GRM5: variants seen among roughly 807,000 people sequenced by gnomAD.
GRM5 encodes the protein glutamate metabotropic receptor 5, also known as metabotropic glutamate receptor 5.
A neutral mutation model predicts 83.1 loss-of-function variants in GRM5; 19 were observed. The observed-to-expected ratio is 0.23, with a 90% CI of 0.16 to 0.34. The LOEUF is 0.34. GRM5 is among the 10% of genes least tolerant of loss of function. GRM5 has a pLI of 1.00. For synonymous variants in GRM5, 675 were observed against 633.6 expected, an observed-to-expected ratio of 1.07 and a Z score of -0.98; for missense variants, 1,160 against 1,588.3, an observed-to-expected ratio of 0.73 and a Z score of 4.58.
chr11:88,734,195 T>C (rs1941862902), intron 3 of GRM5, among the ~76,000 whole-genome samples: 1 of 151,968 alleles, frequency 6.6e-6, no homozygotes, highest in Non-Finnish European at 1.5e-5. Context: ...CAAATAAACA[T>C]TTCTCCAAAG....
intron 2 of GRM5, among the ~76,000 whole-genome samples, chr11:88,965,991 C>A (rs1332010818): frequency 6.6e-6 from 1 of 152,016 alleles, no homozygotes; most frequent in Non-Finnish European, 1.5e-5. Context: ...CATGACAGAA[C>A]ACAGAATAGG....
In GRM5 at chr11:88,888,264, C is replaced by T. The variant is rs148362423; in HGVS notation, c.662-38109G>A. The stretch of plus-strand genomic sequence containing the variant: ...CCTCTCATGGAGGGATGTTATGTTG[C>T]TCCTAAGCCAAACCCTAACTGCAGC... On this transcript the variant is annotated intron_variant, in intron 2 of 9. Transcript: ENST00000305447. Among the ~76,000 whole-genome samples the T allele has an allele frequency of 6.6e-5, 10 of 152,274 alleles. No homozygotes were observed. In the East Asian group the frequency reaches 1.7e-3, roughly 27 times the overall value.
At chr11:88,796,920 G>A (rs201471129) in intron 3 of GRM5, among the ~76,000 whole-genome samples, 7,502 of 146,348 alleles carry the variant, frequency 0.051, 369 homozygotes, top group Admixed American at 0.16. Context: ...GTGTGTGTGT[G>A]TGTGTGTGTG....
At chr11:88,513,212 C>G (rs1383380362) in intron 9 of GRM5, among the ~76,000 whole-genome samples, 2 of 152,132 alleles carry the variant, frequency 1.3e-5, no homozygotes, top group Non-Finnish European at 2.9e-5. Context: ...TGCTATATGT[C>G]TATCTCACCT....
At chr11:88,714,973 T>G (rs1189666611) in intron 3 of GRM5, among the ~76,000 whole-genome samples, 1 of 152,046 alleles carries the variant, frequency 6.6e-6, no homozygotes, top group Non-Finnish European at 1.5e-5. Flanking sequence ...TAGAATTATT[T>G]TCACAAAGAT....
chr11:88,529,083 G>A (rs1289603490), intron 8 of GRM5, among the ~76,000 whole-genome samples: 1 of 152,030 alleles, frequency 6.6e-6, no homozygotes, highest in East Asian at 1.9e-4. Context: ...AGTACAGGCA[G>A]TAGAGAATCT....
At chr11:88,759,151 CACTATAAAGCA>C (rs1942457466) in intron 3 of GRM5, among the ~76,000 whole-genome samples, 1 of 151,986 alleles carries the variant, frequency 6.6e-6, no homozygotes, top group Non-Finnish European at 1.5e-5. Context: ...AGACCAGTGA[CACTATAAAGCA>C]ACCAAACAAG....
At chr11:88,940,982 C>G (rs1938070013) in intron 2 of GRM5, among the ~76,000 whole-genome samples, 1 of 151,842 alleles carries the variant, frequency 6.6e-6, no homozygotes, top group Non-Finnish European at 1.5e-5. Flanking sequence ...CAGTTTTCCC[C>G]CTAACTCTAT....
chr11:88,597,515 A>G (rs374750351), intron 5 of GRM5, among the ~76,000 whole-genome samples, 163 bp from the exon 6 acceptor site: 29 of 152,248 alleles, frequency 1.9e-4, no homozygotes, highest in African/African-American at 6.7e-4. Context: ...TGTCTATTTT[A>G]CTTTCTCTGC....
At chr11:88,977,731 G>C (rs191826200) in intron 2 of GRM5, among the ~76,000 whole-genome samples, 3,372 of 152,190 alleles carry the variant, frequency 0.022, 125 homozygotes, top group African/African-American at 0.078. Flanking sequence ...ATATTTTGTT[G>C]CCCTGGATAT....
intron 2 of GRM5, among the ~76,000 whole-genome samples, chr11:88,911,667 T>C (rs1161986010): frequency 6.6e-6 from 1 of 152,168 alleles, no homozygotes; most frequent in Non-Finnish European, 1.5e-5. Flanking sequence ...TAAACCTCTT[T>C]AGGCTATGTT....
chr11:88,905,273 A>G (rs1945383329), intron 2 of GRM5, among the ~76,000 whole-genome samples: 1 of 152,212 alleles, frequency 6.6e-6, no homozygotes, highest in South Asian at 2.1e-4. Flanking sequence ...GGAGCCTGCC[A>G]AAGAGCAAAA....
intron 2 of GRM5, among the ~76,000 whole-genome samples, chr11:88,910,845 A>ATT (rs5793356): frequency 6.6e-6 from 1 of 150,972 alleles, no homozygotes; most frequent in African/African-American, 2.4e-5. Context: ...TGTAGAACGT[A>ATT]TTTTTTTTTT....
At chr11:88,974,870 ATAAT>A (rs1430770225) in intron 2 of GRM5, among the ~76,000 whole-genome samples, 5 of 152,218 alleles carry the variant, frequency 3.3e-5, no homozygotes, top group African/African-American at 1.2e-4. Flanking sequence ...AACTTGGTAA[ATAAT>A]TAGGTGTAAG....
intron 2 of GRM5, among the ~76,000 whole-genome samples, chr11:89,003,956 C>G (rs12275483): frequency 6.6e-6 from 1 of 151,954 alleles, no homozygotes; most frequent in Non-Finnish European, 1.5e-5. Context: ...ATAAGTGATT[C>G]TAAAGCTGAA....
chr11:88,821,982 C>G (rs566907037), intron 3 of GRM5, among the ~76,000 whole-genome samples: 15 of 151,710 alleles, frequency 9.9e-5, no homozygotes, highest in African/African-American at 3.4e-4. Flanking sequence ...TTTGATGACT[C>G]TTTCATGGAA....
At chr11:88,891,735 C>T (rs554918483) in intron 2 of GRM5, among the ~76,000 whole-genome samples, 1 of 152,106 alleles carries the variant, frequency 6.6e-6, no homozygotes, top group African/African-American at 2.4e-5. Context: ...TTGCTATGTT[C>T]CTTCTCAAAA....
intron 3 of GRM5, among the ~76,000 whole-genome samples, chr11:88,759,870 A>G (rs769477468): frequency 6.6e-6 from 1 of 152,136 alleles, no homozygotes; most frequent in Non-Finnish European, 1.5e-5. Flanking sequence ...AATTATAACA[A>G]CTACTCTCTC....
intron 2 of GRM5, chr11:88,984,940 T>C: frequency 1.7e-6 from 1 of 586,862 alleles, no homozygotes; most frequent in South Asian, 2.3e-5. Context: ...ATTTTAATAA[T>C]TTGACTCACT....
Sources: allele counts gnomAD v4.1 joint callset (sites outside exome capture counted in the v4.1 genomes callset), GRCh38; gene constraint gnomAD v4.1.1; transcripts MANE v1.5; gene names NCBI Gene and HGNC (gene_info 2026-07-23, HGNC 2026-07-21).